Variants in NIPSNAP1 observed in about 807,000 individuals in gnomAD.
NIPSNAP1 encodes the protein nipsnap homolog 1.
NIPSNAP1 carries 25 observed loss-of-function variants against 49.2 expected under a neutral mutation model. That is an observed-to-expected ratio of 0.51 (90% CI 0.37 to 0.71). NIPSNAP1 has a LOEUF of 0.71. Ranked by LOEUF, NIPSNAP1 falls within the 30% of genes least tolerant of loss-of-function variation. The pLI, the probability that NIPSNAP1 is intolerant of heterozygous loss-of-function variation, is 0.00. For synonymous variants in NIPSNAP1, 143 were observed against 140.7 expected, an observed-to-expected ratio of 1.02 and a Z score of -0.12; for missense variants, 294 against 361.0, an observed-to-expected ratio of 0.81 and a Z score of 1.50.
rs2064288720 is a variant in NIPSNAP1 at position 29,555,693 on chromosome 22, C to T, written c.*242G>A. The T allele has an allele frequency of 1.3e-5, 7 of 547,668 alleles. No homozygotes were observed. The highest frequency in any genetic ancestry group is 1.2e-4 in the South Asian group (6 of 48,562). 33.9% of individuals were successfully genotyped at this position (547,668 alleles called of 1,614,324 possible). On this transcript the variant is annotated 3_prime_UTR_variant, in exon 10 of 10. Transcript: ENST00000216121. ...GCCTAAAAGATCACTATCTTTCATT[C>T]AGGGAAATCAGAAACTACTTCTAGC...
intron 3 of NIPSNAP1, 134 bp downstream of exon 3, chr22:29,570,028 A>G (rs2064396414): frequency 1.3e-6 from 1 of 759,514 alleles, no homozygotes; most frequent in African/African-American, 1.7e-5. Context: ...AGAAAGAAAA[A>G]GGCAGAAATA....
chr22:29,574,261 CAAAAAA>C (rs1158442759), intron 1 of NIPSNAP1, among the ~76,000 whole-genome samples: 66 of 36,668 alleles, frequency 1.8e-3, no homozygotes, highest in African/African-American at 5.9e-3. Context: ...TCCATCTTCA[CAAAAAA>C]AAAAAAAAAA....
chr22:29,572,302 CA>C (rs695769), intron 1 of NIPSNAP1, among the ~76,000 whole-genome samples: 992 of 71,050 alleles, frequency 0.014, 3 homozygotes, highest in African/African-American at 0.037. Flanking sequence ...GAATCCATCT[CA>C]AAAAAAAAAA....
At chr22:29,556,502 C>T (rs2064295557) in intron 9 of NIPSNAP1, among the ~76,000 whole-genome samples, 1 of 151,296 alleles carries the variant, frequency 6.6e-6, no homozygotes, top group Admixed American at 6.6e-5. Flanking sequence ...CCAGCCTGGG[C>T]AACAAGAGCA....
chr22:29,558,857 A>C lies in NIPSNAP1; in HGVS notation c.790+13T>G. ...AGGGTTCTCAGCAGAAGACCTCCAA[A>C]GGCTTCACTCACCTGTATAGTAGAC... On this transcript the variant is annotated intron_variant, in intron 9 of 9. Coordinates refer to ENST00000216121, the MANE Select transcript of NIPSNAP1 (RefSeq NM_003634.4). 1 of 1,604,040 alleles carries C rather than the reference A, an allele frequency of 6.2e-7. No homozygotes were observed.
At chr22:29,565,260 C>T (rs1419314151) in intron 4 of NIPSNAP1, among the ~76,000 whole-genome samples, 1 of 151,876 alleles carries the variant, frequency 6.6e-6, no homozygotes, top group African/African-American at 2.4e-5. Flanking sequence ...GCCTTTAATC[C>T]CAGCACTTTG....
Position 29,555,907 on chromosome 22 carries a change from G to C in NIPSNAP1, c.*28C>G. 2 of 1,549,350 alleles carry C rather than the reference G, an allele frequency of 1.3e-6. No homozygotes were observed. Among genetic ancestry groups the C allele is most frequent in the East Asian group, 2.4e-5 (1 of 41,024 alleles). On this transcript the variant is annotated 3_prime_UTR_variant, in exon 10 of 10. Transcript: ENST00000216121. ...TCTGTCGGGGTTGCCTGAGGGAGAA[G>C]GGGAAGGAGGTGGAGGTGTAGGCAG... is the stretch of plus-strand genomic sequence containing the variant.
Position 29,573,768 on chromosome 22 carries a change from C to CA in NIPSNAP1, c.99-3237dup, listed in dbSNP as rs695672. Among the ~76,000 whole-genome samples the CA allele has an allele frequency of 8.7e-4, 109 of 125,116 alleles. 1 individual carries two copies. The highest frequency in any genetic ancestry group is 1.6e-3 in the South Asian group (6 of 3,694). The allele number at this position is 125,116 out of a possible 152,430, so 82.1% of individuals were successfully genotyped here. A position where few individuals can be genotyped will look rare whatever the true frequency, so the allele number is the denominator to read the frequency against. On this transcript the variant is annotated intron_variant, in intron 1 of 9. Transcript: ENST00000216121. ...GGGCAACAAGAGTGAAACTCTGTCT[C>CA]AAAAAAAAAAAAAATTAGCCAGGTG...
rs907001779 is a variant in NIPSNAP1 at position 29,560,649 on chromosome 22, G to A, written c.706+85C>T. ...CTGCTAGAACATTAAGTTCTATGAG[G>A]ACACTAATACAACCCCATTGGCTAC... is the stretch of plus-strand genomic sequence containing the variant. On this transcript the variant is annotated intron_variant, in intron 8 of 9. Transcript: ENST00000216121. 3.9e-6 allele frequency: 4 copies of A among 1,018,762 alleles called. No individual in the cohort carries two copies. The Admixed American group carries it at 5.1e-5, about 13-fold the overall frequency. 63.1% of individuals were successfully genotyped at this position (1,018,762 alleles called of 1,614,324 possible).
At chr22:29,575,024 GAGGGC>G (rs2064441276) in intron 1 of NIPSNAP1, among the ~76,000 whole-genome samples, 1 of 152,166 alleles carries the variant, frequency 6.6e-6, no homozygotes, top group East Asian at 1.9e-4. Flanking sequence ...CAGAAAATCA[GAGGGC>G]AGAGTTAAGA....
rs35947318 is a variant in NIPSNAP1, at chr22:29,560,241, CTT to C, written c.706+491_706+492del. On this transcript the variant is annotated intron_variant, in intron 8 of 9. Transcript: ENST00000216121. Reference sequence around the variant, plus strand: ...GTTTTTCACCATCATCTCTCCCTGCCTTTTTTTTTTTTCTTCTTTTTTTTTGA... The same window carrying C: ...GTTTTTCACCATCATCTCTCCCTGCCTTTTTTTTTTCTTCTTTTTTTTTGA... 1.6e-3 allele frequency among the ~76,000 whole-genome samples: 228 copies of C among 145,326 alleles called. 2 individuals carry two copies. The highest frequency in any genetic ancestry group is 2.2e-4 in the Non-Finnish European group (15 of 66,686).
intron 1 of NIPSNAP1, among the ~76,000 whole-genome samples, chr22:29,579,073 CG>C (rs2146620657): frequency 1.3e-5 from 2 of 150,956 alleles, no homozygotes; most frequent in African/African-American, 4.9e-5. Flanking sequence ...TTCACAACCA[CG>C]GAATCTTTTT....
At chr22:29,574,289 A>AAAAAAAAAG (rs2064434492) in intron 1 of NIPSNAP1, among the ~76,000 whole-genome samples, 2 of 125,266 alleles carry the variant, frequency 1.6e-5, no homozygotes, top group African/African-American at 6.6e-5. Flanking sequence ...AAAAAAAAAA[A>AAAAAAAAAG]AAAGAAAGAA....
At position 29,555,782 on chromosome 22, in the gene NIPSNAP1, T is replaced by A. The variant is rs1262066750; in HGVS notation, c.*153A>T. 5.5e-6 allele frequency: 4 copies of A among 726,906 alleles called. No homozygotes were observed. The highest frequency in any genetic ancestry group is 7.5e-6 in the Non-Finnish European group (3 of 401,294). The allele number at this position is 726,906 out of a possible 1,614,324, so 45.0% of individuals were successfully genotyped here. On this transcript the variant is annotated 3_prime_UTR_variant, in exon 10 of 10. Coordinates refer to ENST00000216121, the MANE Select transcript of NIPSNAP1 (RefSeq NM_003634.4). Reference sequence around the variant, plus strand: ...GGGCAGAGCTGTAATCCTCAGAACTTGTCAGCCTTCAGTTCCCCCTTGTCT... The same window carrying A: ...GGGCAGAGCTGTAATCCTCAGAACTAGTCAGCCTTCAGTTCCCCCTTGTCT...
At chr22:29,565,512 C>T (rs1442864889) in intron 4 of NIPSNAP1, among the ~76,000 whole-genome samples, 6 of 151,332 alleles carry the variant, frequency 4.0e-5, no homozygotes, top group Admixed American at 3.3e-4. Flanking sequence ...GACTCGGTCT[C>T]GAAAAAGAAA....
At chr22:29,570,303 AC>A (rs2064398657) in intron 2 of NIPSNAP1, 96 bp from the exon 3 acceptor site, 9 of 1,602,922 alleles carry the variant, frequency 5.6e-6, no homozygotes, top group Non-Finnish European at 7.7e-6. Flanking sequence ...GGGTCCCAGG[AC>A]AGCTGAGGAC....
intron 1 of NIPSNAP1, chr22:29,580,388 C>T (rs919862436): frequency 3.1e-5 from 16 of 521,536 alleles, no homozygotes; most frequent in Non-Finnish European, 3.7e-5. Flanking sequence ...ACTCCCACTC[C>T]CAGGAGGCCA....
In NIPSNAP1 at chr22:29,581,109, G is replaced by T; in HGVS notation, c.-27C>A. 1 of 1,535,842 alleles carries T rather than the reference G, an allele frequency of 6.5e-7. No homozygotes were observed. The highest frequency in any genetic ancestry group is 8.8e-7 in the Non-Finnish European group (1 of 1,142,680). ...TTGGAGCCGCAAAGGTTGCAGGAAG[G>T]CCCCGCCCCCAAGCCCTGGTGGCGG... On this transcript the variant is annotated 5_prime_UTR_variant, in exon 1 of 10. Coordinates refer to ENST00000216121, the MANE Select transcript of NIPSNAP1 (RefSeq NM_003634.4).
At chr22:29,556,134 C>T (rs1276333904) in intron 9 of NIPSNAP1, 135 bp from the exon 10 acceptor site, 7 of 714,488 alleles carry the variant, frequency 9.8e-6, no homozygotes, top group African/African-American at 8.8e-5. Context: ...GTCCCATTGC[C>T]CTCGTGGAAG....
Sources: allele counts gnomAD v4.1 joint callset (sites outside exome capture counted in the v4.1 genomes callset), GRCh38; gene constraint gnomAD v4.1.1; transcripts MANE v1.5; gene names NCBI Gene and HGNC (gene_info 2026-07-23, HGNC 2026-07-21).